Variants in EPB41L3 observed in about 807,000 individuals in gnomAD.
EPB41L3 encodes band 4.1-like protein 3.
In EPB41L3, 57 loss-of-function variants were observed where a neutral mutation model predicts 127.1. The ratio of observed to expected loss-of-function variants is 0.45; its 90% CI spans 0.36 to 0.56. EPB41L3 has a LOEUF of 0.56. Among genes scored for constraint, EPB41L3 ranks in the 20% least tolerant of loss-of-function variants. EPB41L3 has a pLI of 0.00. For missense variants in EPB41L3, 1,273 were observed against 1,372.2 expected (o/e 0.93, Z 1.14); for synonymous variants, 572 against 549.5 (o/e 1.04, Z -0.57).
intron 3 of EPB41L3, among the ~76,000 whole-genome samples, chr18:5,602,068 G>A (rs546863924): frequency 6.6e-6 from 1 of 152,112 alleles, no homozygotes; most frequent in Non-Finnish European, 1.5e-5. Flanking sequence ...ATTTTTCAAT[G>A]CCTGTCCGCA....
At chr18:5,406,300 AT>A (rs1438266853) in intron 16 of EPB41L3, among the ~76,000 whole-genome samples, 4 of 152,182 alleles carry the variant, frequency 2.6e-5, no homozygotes, top group African/African-American at 4.8e-5. Flanking sequence ...ATAATCAGTT[AT>A]AAATAAAAAT....
chr18:5,543,964 G>T lies in EPB41L3; in HGVS notation c.-63C>A. The T allele has an allele frequency of 1.0e-6, 1 of 985,722 alleles. No individual in the cohort carries two copies. Among genetic ancestry groups the T allele is most frequent in the Non-Finnish European group, 1.2e-6 (1 of 830,112 alleles). 61.1% of individuals were successfully genotyped at this position (985,722 alleles called of 1,614,324 possible). The stretch of plus-strand genomic sequence containing the variant: ...GCCGCGGCGTGGGGACTAGGCTCGG[G>T]CGCGCGTCCTCGGCGGCGGTGCGCA... On this transcript the variant is annotated 5_prime_UTR_variant, in exon 1 of 23. Transcript: ENST00000341928. The surrounding 1 kb of genome is among the most constrained non-coding windows in gnomAD (Gnocchi z 5.2).
At chr18:5,394,958 A>T in intron 21 of EPB41L3, 109 bp downstream of exon 21, 1 of 1,281,860 alleles carries the variant, frequency 7.8e-7, no homozygotes, top group Non-Finnish European at 1.1e-6. Flanking sequence ...GTTAATTCGG[A>T]ATTTTCTTCG....
chr18:5,451,691 C>T (rs2082292381), intron 3 of EPB41L3, among the ~76,000 whole-genome samples: 1 of 152,200 alleles, frequency 6.6e-6, no homozygotes, highest in African/African-American at 2.4e-5. Flanking sequence ...GTATTTTTCT[C>T]ACTAGCAAGC....
At chr18:5,505,316 G>C (rs1315823122) in intron 1 of EPB41L3, among the ~76,000 whole-genome samples, 1 of 152,060 alleles carries the variant, frequency 6.6e-6, no homozygotes, top group Non-Finnish European at 1.5e-5. Context: ...AAAACATCAA[G>C]AAGTAACTTT....
intron 3 of EPB41L3, among the ~76,000 whole-genome samples, chr18:5,473,592 A>G (rs2086572533): frequency 6.6e-6 from 1 of 152,018 alleles, no homozygotes; most frequent in South Asian, 2.1e-4. Flanking sequence ...CTAATCAGTG[A>G]GACTCCAATC....
At chr18:5,561,732 C>T (rs988366747) in intron 3 of EPB41L3, among the ~76,000 whole-genome samples, 2 of 152,118 alleles carry the variant, frequency 1.3e-5, no homozygotes, top group Non-Finnish European at 2.9e-5. Flanking sequence ...TACTTATTAT[C>T]GCAAAGGGAA....
At chr18:5,450,613 TAATAA>T (rs930899061) in intron 3 of EPB41L3, among the ~76,000 whole-genome samples, 19 of 151,864 alleles carry the variant, frequency 1.3e-4, no homozygotes, top group African/African-American at 4.6e-4. Context: ...TTTAAATTGT[TAATAA>T]AATAATTAAT....
upstream of EPB41L3, among the ~76,000 whole-genome samples, chr18:5,548,130 T>C (rs2093911041): frequency 1.3e-5 from 2 of 152,212 alleles, no homozygotes; most frequent in South Asian, 2.1e-4. Flanking sequence ...GGCACCTGAA[T>C]TGCATATCAA....
At chr18:5,626,135 G>A (rs28725247) in intron 1 of EPB41L3, among the ~76,000 whole-genome samples, 15,900 of 151,868 alleles carry the variant, frequency 0.1, 1,014 homozygotes, top group African/African-American at 0.17. Context: ...CCCACATCTG[G>A]CATTCTTCCC....
At position 5,623,245 on chromosome 18, in the gene EPB41L3, A is replaced by T. The variant is rs552342743; in HGVS notation, c.-468+5677T>A. On this transcript the variant is annotated intron_variant, in intron 1 of 21. Transcript: ENST00000545076. ...GCCAACATCTTTTCCATTTTGTAAC[A>T]TATTTGTGTAAATTTTATAAATACC... 5.3e-5 allele frequency among the ~76,000 whole-genome samples: 8 copies of T among 152,288 alleles called. No homozygotes were observed. In the South Asian group the frequency reaches 1.7e-3, roughly 32 times the overall value.
At chr18:5,394,490 T>A (rs1303747210) in intron 22 of EPB41L3, 187 bp downstream of exon 22, 2 of 544,026 alleles carry the variant, frequency 3.7e-6, no homozygotes, top group Non-Finnish European at 6.6e-6. Context: ...ATGCAAAAAC[T>A]CCACAAGAAT....
At chr18:5,489,277 A>C in intron 1 of EPB41L3, 83 bp from the exon 2 acceptor site, 1 of 1,472,640 alleles carries the variant, frequency 6.8e-7, no homozygotes, top group South Asian at 1.3e-5. Context: ...TCACCGTGAA[A>C]GGCTCAAGAG....
rs1307278434 is a variant in EPB41L3, at chr18:5,543,743, CCCGGCCGCG to C, written c.-12+161_-12+169del. On this transcript the variant is annotated intron_variant, in intron 1 of 22. Coordinates refer to ENST00000341928, the MANE Select transcript of EPB41L3 (RefSeq NM_012307.5). This position sits in a 1 kb window ranked among gnomAD's most constrained non-coding sequence, Gnocchi z 5.2. ...GGCGAGCGGGAGGGCGGTTGGGGAC[CCCGGCCGCG>C]CCGGGCGCGGGGCTCGGGATTCGGG... 6.8e-6 allele frequency among the ~76,000 whole-genome samples: 1 copy of C among 148,090 alleles called. No homozygotes were observed. The highest frequency in any genetic ancestry group is 1.5e-5 in the Non-Finnish European group (1 of 66,704).
chr18:5,568,577 A>G (rs1197237767), intron 3 of EPB41L3, among the ~76,000 whole-genome samples: 1 of 152,308 alleles, frequency 6.6e-6, no homozygotes, highest in Admixed American at 6.5e-5. Flanking sequence ...TACACGCAAG[A>G]CCTAATTAAA....
intron 3 of EPB41L3, among the ~76,000 whole-genome samples, chr18:5,456,984 T>G (rs2083193230): frequency 6.6e-6 from 1 of 152,268 alleles, no homozygotes; most frequent in Non-Finnish European, 1.5e-5. Flanking sequence ...CTCAGCAACC[T>G]GCAGGGAATG....
chr18:5,622,456 G>GGTA (rs1211219349), intron 1 of EPB41L3, among the ~76,000 whole-genome samples: 1 of 152,218 alleles, frequency 6.6e-6, no homozygotes, highest in Admixed American at 6.5e-5. Flanking sequence ...TACTGAAACT[G>GGTA]CAGCAGGGTG....
chr18:5,577,618 G>T, intron 3 of EPB41L3: 1 of 227,390 alleles, frequency 4.4e-6, no homozygotes, highest in Non-Finnish European at 8.7e-6. Flanking sequence ...TATTTCCCCT[G>T]GTTCCCAGTG....
At chr18:5,615,157 A>C (rs4798378) in intron 1 of EPB41L3, among the ~76,000 whole-genome samples, 90,445 of 151,694 alleles carry the variant, frequency 0.6, 28,329 homozygotes, top group African/African-American at 0.79. Context: ...GATATCAGAG[A>C]AAAAAAAAGC....
Sources: allele counts gnomAD v4.1 joint callset (sites outside exome capture counted in the v4.1 genomes callset), GRCh38; gene constraint gnomAD v4.1.1; non-coding constraint Gnocchi (gnomAD v3.1); transcripts MANE v1.5; gene names NCBI Gene and HGNC (gene_info 2026-07-23, HGNC 2026-07-21).